Variants in TTC5 observed in about 807,000 individuals in gnomAD.
TTC5 encodes the protein tetratricopeptide repeat protein 5.
A neutral mutation model predicts 57.4 loss-of-function variants in TTC5; 46 were observed. That is an observed-to-expected ratio of 0.80 (90% confidence interval 0.63 to 1.03). TTC5 has a LOEUF of 1.03. Among genes scored for constraint, TTC5 ranks in the 50% least tolerant of loss-of-function variants. The pLI is 0.00. For synonymous variants in TTC5, 190 were observed against 203.5 expected (o/e 0.93, Z 0.57); for missense variants, 504 against 528.1 (o/e 0.95, Z 0.45).
chr14:20,304,010 C>A (rs2184670), intron 1 of TTC5, among the ~76,000 whole-genome samples: 73 of 152,084 alleles, frequency 4.8e-4, no homozygotes, highest in African/African-American at 1.5e-3. Context: ...GAATCCATTC[C>A]TTCTCTCCTC....
chr14:20,295,566 T>A, intron 7 of TTC5, 40 bp from the exon 8 acceptor site: 1 of 1,588,152 alleles, frequency 6.3e-7, no homozygotes. Context: ...TGGAAACTAG[T>A]CGCCTTCCTT....
Position 20,299,727 on chromosome 14 carries a change from AT to A in TTC5, c.397-280del, listed in dbSNP as rs554126920. On this transcript the variant is annotated intron_variant, in intron 3 of 9. Transcript: ENST00000258821. ...ACCACCATGCCCGGCTAATTTTTATATTTTTAGTAGAGACTGAGTTTCACCA... is the reference window on the plus strand; with the variant it reads ...ACCACCATGCCCGGCTAATTTTTATATTTTAGTAGAGACTGAGTTTCACCA... 1.6e-4 allele frequency among the ~76,000 whole-genome samples: 24 copies of A among 151,918 alleles called. No individual in the cohort carries two copies. The South Asian group carries it at 4.8e-3, about 30-fold the overall frequency.
intron 1 of TTC5, among the ~76,000 whole-genome samples, chr14:20,302,567 T>C (rs766027423): frequency 6.6e-6 from 1 of 152,230 alleles, no homozygotes; most frequent in African/African-American, 2.4e-5. Flanking sequence ...TGTGGTTTTG[T>C]TTAGTTTGAT....
At chr14:20,297,463 C>T (rs1054453941) in intron 5 of TTC5, among the ~76,000 whole-genome samples, 1 of 151,920 alleles carries the variant, frequency 6.6e-6, no homozygotes, top group African/African-American at 2.4e-5. Flanking sequence ...CAGGTCTGGG[C>T]GAAAAACTTC....
At chr14:20,293,138 T>A (rs975604400) in intron 8 of TTC5, 1 of 152,224 alleles carries the variant, frequency 6.6e-6, no homozygotes, top group African/African-American at 2.4e-5. Flanking sequence ...TAAAGTATAT[T>A]GATCTCTGCA....
chr14:20,293,614 T>C (rs1247069062), intron 8 of TTC5: 3 of 152,216 alleles, frequency 2.0e-5, no homozygotes, highest in Non-Finnish European at 4.4e-5. Flanking sequence ...AACATTTCTC[T>C]GGCAGCACTG....
intron 6 of TTC5, 147 bp from the exon 7 acceptor site, chr14:20,296,001 A>G: frequency 4.1e-6 from 3 of 739,748 alleles, no homozygotes; most frequent in Non-Finnish European, 6.3e-6. Context: ...AAGAGCTGGT[A>G]ACACCTTACA....
At position 20,295,346 on chromosome 14, in the gene TTC5, C is replaced by T. The variant is rs1208433746; in HGVS notation, c.1024G>A (p.Val342Ile). Residue 342 changes from valine (V) to isoleucine (I), a missense_variant, in exon 8 of 10, where the codon GTA (valine) becomes ATA (isoleucine). Val to Ile is a conservative substitution (Grantham distance 29). Coordinates refer to ENST00000258821, the MANE Select transcript of TTC5 (RefSeq NM_138376.3). ...TTCTCCTCTGTGGTGAGGCTAAATA[C>T]CACCTTTCCCAGGATGACGGCACCG... ...NSGAVILGKV[V>I]FSLTTEEKVP... 1.9e-6 allele frequency: 3 copies of T among 1,614,066 alleles called. No individual in the cohort carries two copies. Among genetic ancestry groups the T allele is most frequent in the African/African-American group, 1.3e-5 (1 of 74,918 alleles).
At chr14:20,292,307 A>C in intron 8 of TTC5, 180 bp from the exon 9 acceptor site, 2 of 371,076 alleles carry the variant, frequency 5.4e-6, no homozygotes, top group Non-Finnish European at 9.3e-6. Flanking sequence ...TACTAACAAA[A>C]TAAACAAATG....
At chr14:20,300,948 T>C (rs1882177913) in intron 2 of TTC5, 130 bp from the exon 3 acceptor site, 1 of 723,052 alleles carries the variant, frequency 1.4e-6, no homozygotes, top group Non-Finnish European at 2.2e-6. Flanking sequence ...CAATAAACCA[T>C]TTATTGAAAG....
In TTC5 at chr14:20,299,422, G is replaced by T. The variant is rs1882135554; in HGVS notation, c.423C>A (p.Asn141Lys). Residue 141 changes from asparagine to lysine, a missense_variant, in exon 4 of 10, where the codon AAC becomes AAA. Coordinates refer to ENST00000258821, the MANE Select transcript of TTC5 (RefSeq NM_138376.3). ...THCRNKVSLQNLSMVLRQLRT... is the reference protein window; with the variant it reads ...THCRNKVSLQKLSMVLRQLRT... ...GCAGCTGACGAAGCACCATTGACAG[G>T]TTTTGCAAGGAGACTTTGTTCCTGC... is the stretch of plus-strand genomic sequence containing the variant. 1 of 1,613,978 alleles carries T rather than the reference G, an allele frequency of 6.2e-7. No individual in the cohort carries two copies. Among genetic ancestry groups the T allele is most frequent in the Non-Finnish European group, 8.5e-7 (1 of 1,180,018 alleles).
chr14:20,300,805 G>A lies in TTC5; in HGVS notation c.198C>T (p.Gly66=). 1 of 1,611,952 alleles carries A rather than the reference G, an allele frequency of 6.2e-7. No individual in the cohort carries two copies. The highest frequency in any genetic ancestry group is 8.5e-7 in the Non-Finnish European group (1 of 1,179,314). The part of the protein sequence containing the change: ...QMEEVVGSVQ[G]KAQVLMLTGK... ...CAGTTAGCATTAGAACTTGTGCCTT[G>A]CCCTGGACAGAACCTAAGAGGAAGA... is the stretch of plus-strand genomic sequence containing the variant. The change falls in exon 3 of 10, where the codon GGC becomes GGT. Residue 66 remains glycine (G), a synonymous_variant. Coordinates refer to ENST00000258821, the MANE Select transcript of TTC5 (RefSeq NM_138376.3).
chr14:20,295,220 A>G, intron 8 of TTC5, 92 bp downstream of exon 8: 1 of 1,166,556 alleles, frequency 8.6e-7, no homozygotes, highest in Middle Eastern at 2.0e-4. Context: ...ATCTGTGACC[A>G]CTGACAATCT....
intron 8 of TTC5, 29 bp from the exon 9 acceptor site, chr14:20,292,156 G>T: frequency 6.9e-7 from 1 of 1,451,366 alleles, no homozygotes; most frequent in South Asian, 1.6e-5. Flanking sequence ...TTAGGAGAGA[G>T]GAAAACAAAA....
chr14:20,290,499 C>T (rs984984091), intron 9 of TTC5, among the ~76,000 whole-genome samples: 25 of 152,010 alleles, frequency 1.6e-4, no homozygotes, highest in African/African-American at 5.3e-4. Flanking sequence ...CTATATTTTC[C>T]ATGTAAAATT....
At position 20,299,312 on chromosome 14, in the gene TTC5, T is replaced by C; in HGVS notation, c.533A>G (p.Asp178Gly). 1 of 1,613,874 alleles carries C rather than the reference T, an allele frequency of 6.2e-7. No homozygotes were observed. Among genetic ancestry groups the C allele is most frequent in the South Asian group, 1.1e-5 (1 of 91,082 alleles). ...AKLAVQMDVH[D>G]GRSWYILGNS... The stretch of plus-strand genomic sequence containing the variant: ...AGAGCACTCACACCAGGAGCGGCCA[T>C]CATGGACATCCATCTGAACAGCCAA... The change falls in exon 4 of 10, where the codon GAT becomes GGT. Residue 178 changes from aspartate (D) to glycine (G), a missense_variant. Physicochemically the swap from Asp to Gly is moderately conservative, Grantham distance 94. Transcript: ENST00000258821.
intron 9 of TTC5, among the ~76,000 whole-genome samples, chr14:20,289,957 G>C (rs1228143466): frequency 6.6e-6 from 1 of 152,172 alleles, no homozygotes; most frequent in Non-Finnish European, 1.5e-5. Context: ...GAGCATGTAA[G>C]GTCATGTAGT....
chr14:20,295,596 C>T, intron 7 of TTC5, 70 bp from the exon 8 acceptor site: 1 of 1,557,398 alleles, frequency 6.4e-7, no homozygotes, highest in Non-Finnish European at 8.7e-7. Context: ...ATCCTTCCCT[C>T]CCACCCACTT....
In TTC5 at chr14:20,287,801, C is replaced by T. The variant is rs1270303804; in HGVS notation, c.*1826G>A. The stretch of plus-strand genomic sequence containing the variant: ...CAAATGTTTACACATACTACTACCC[C>T]CATCTTCCCTAGTTGCTTTCAGCCA... On this transcript the variant is annotated 3_prime_UTR_variant, in exon 10 of 10. Coordinates refer to ENST00000258821, the MANE Select transcript of TTC5 (RefSeq NM_138376.3). The T allele has an allele frequency of 6.6e-6, 1 of 152,150 alleles. No individual in the cohort carries two copies. The highest frequency in any genetic ancestry group is 2.4e-5 in the African/African-American group (1 of 41,442). 9.4% of individuals were successfully genotyped at this position (152,150 alleles called of 1,614,324 possible). A position where few individuals can be genotyped will look rare whatever the true frequency, so the allele number is the denominator to read the frequency against.
Sources: allele counts gnomAD v4.1 joint callset (sites outside exome capture counted in the v4.1 genomes callset), GRCh38; gene constraint gnomAD v4.1.1; transcripts MANE v1.5; gene names NCBI Gene and HGNC (gene_info 2026-07-23, HGNC 2026-07-21).